The following RYR1 variants were observed in gnomAD, a reference collection of about 807,000 sequenced individuals.
The protein encoded by RYR1 is central core disease of muscle.
RYR1 carries 342 observed loss-of-function variants against 583.5 expected under a neutral mutation model. The ratio of observed to expected loss-of-function variants is 0.59; its 90% confidence interval spans 0.54 to 0.64. RYR1 has a LOEUF of 0.64. Ranked by LOEUF, RYR1 falls within the 30% of genes least tolerant of loss-of-function variation. The pLI is 0.00. For synonymous variants in RYR1, 2,791 were observed against 2,822.5 expected (o/e 0.99, Z 0.35); for missense variants, 6,032 against 6,917.2 (o/e 0.87, Z 4.54).
chr19:38,561,064 G>T lies in RYR1; in HGVS notation c.12283-49G>T. 1.2e-5 allele frequency: 17 copies of T among 1,405,506 alleles called. No homozygotes were observed. Among genetic ancestry groups the T allele is most frequent in the Non-Finnish European group, 1.4e-5 (14 of 1,003,452 alleles). 87.1% of individuals were successfully genotyped at this position (1,405,506 alleles called of 1,614,324 possible). A position where few individuals can be genotyped will look rare whatever the true frequency, so the allele number is the denominator to read the frequency against. ...TTAAAAAAAAAAAAAAAAAGAGAGA[G>T]AATTGAGGCTCTCCAGGTCACCCCA... On this transcript the variant is annotated intron_variant, in intron 89 of 105. Coordinates refer to ENST00000359596, the MANE Select transcript of RYR1 (RefSeq NM_000540.3). This position sits in a 1 kb window ranked among gnomAD's most constrained non-coding sequence, Gnocchi z 4.8.
chr19:38,561,565 C>T lies in RYR1; in HGVS notation c.12624+111C>T. The T allele has an allele frequency of 9.3e-7, 1 of 1,073,884 alleles. No individual in the cohort carries two copies. Among genetic ancestry groups the T allele is most frequent in the Non-Finnish European group, 1.3e-6 (1 of 748,408 alleles). The allele number at this position is 1,073,884 out of a possible 1,614,324, so 66.5% of individuals were successfully genotyped here. ...GGGCTGTGCGTGCCTCGCATATCTG[C>T]CCTGCTCCGGCAAGCCCACGCCCAC... On this transcript the variant is annotated intron_variant, in intron 90 of 105. Transcript: ENST00000359596. This position sits in a 1 kb window ranked among gnomAD's most constrained non-coding sequence, Gnocchi z 4.8.
Position 38,519,223 on chromosome 19 carries a change from A to G in RYR1, c.10028A>G (p.Gln3343Arg). 6.2e-7 allele frequency: 1 copy of G among 1,614,166 alleles called. No homozygotes were observed. Among genetic ancestry groups the G allele is most frequent in the Non-Finnish European group, 8.5e-7 (1 of 1,180,032 alleles). ...SWMKRLAVFA[Q>R]PIVSRARPEL... ...CATCGCACCCCTGCAGTGTTCGCAC[A>G]GCCCATTGTGAGCCGTGCACGGCCG... Residue 3343 changes from glutamine to arginine, a missense_variant, in exon 67 of 106, where the codon CAG (glutamine) becomes CGG (arginine). By Grantham distance (43) the Gln-to-Arg change is conservative. Around this residue, in one of 11 missense-constraint regions of RYR1, gnomAD observed 1,493 missense variants for 1,715.5 expected, o/e 0.87. Transcript: ENST00000359596.
chr19:38,490,426 C>A, intron 36 of RYR1, 150 bp downstream of exon 36: 2 of 908,244 alleles, frequency 2.2e-6, no homozygotes, highest in Non-Finnish European at 3.5e-6. Flanking sequence ...CTGAATCAAC[C>A]TGACCTCTGA....
chr19:38,519,219 G>A lies in RYR1; in HGVS notation c.10024G>A (p.Ala3342Thr), dbSNP rs758521872. Residue 3342 changes from alanine (A) to threonine (T), a missense_variant, in exon 67 of 106, where the codon GCA becomes ACA. By Grantham distance (58) the Ala-to-Thr change is moderately conservative. Around this residue, in one of 11 missense-constraint regions of RYR1, gnomAD observed 1,493 missense variants for 1,715.5 expected, o/e 0.87. Transcript: ENST00000359596. Reference sequence around the variant, plus strand: ...AGCCCATCGCACCCCTGCAGTGTTCGCACAGCCCATTGTGAGCCGTGCACG... The same window carrying A: ...AGCCCATCGCACCCCTGCAGTGTTCACACAGCCCATTGTGAGCCGTGCACG... ...ASWMKRLAVF[A>T]QPIVSRARPE... The A allele has an allele frequency of 6.2e-6, 10 of 1,614,084 alleles. No homozygotes were observed. In the East Asian group the frequency reaches 6.7e-5, roughly 11 times the overall value.
intron 72 of RYR1, 125 bp downstream of exon 72, chr19:38,527,177 C>A: frequency 1.9e-6 from 2 of 1,054,426 alleles, no homozygotes; most frequent in Non-Finnish European, 2.8e-6. Flanking sequence ...GAGTTTGAGA[C>A]CAGCCTGGCC....
chr19:38,574,217 G>C (rs1341614942), intron 96 of RYR1, among the ~76,000 whole-genome samples: 1 of 145,442 alleles, frequency 6.9e-6, no homozygotes, highest in Non-Finnish European at 1.5e-5. Context: ...CCGAGATTGT[G>C]CCTCTGCACT....
chr19:38,586,445 A>G, intron 104 of RYR1, 80 bp from the exon 105 acceptor site: 1 of 1,441,640 alleles, frequency 6.9e-7, no homozygotes, highest in Non-Finnish European at 9.8e-7. Flanking sequence ...ACATAGCAAG[A>G]CTTCCTCTCT....
intron 23 of RYR1, 85 bp from the exon 24 acceptor site, chr19:38,466,006 G>T: frequency 1.5e-6 from 2 of 1,304,302 alleles, no homozygotes; most frequent in Non-Finnish European, 2.2e-6. Flanking sequence ...CTGGGACAAG[G>T]GTCAGCAGTC....
Position 38,565,582 on chromosome 19 carries a change from G to A in RYR1, c.13248G>A (p.Ala4416=). 3 of 1,463,420 alleles carry A rather than the reference G, an allele frequency of 2.0e-6. No homozygotes were observed. The highest frequency in any genetic ancestry group is 1.5e-5 in the African/African-American group (1 of 68,072). 90.7% of individuals were successfully genotyped at this position (1,463,420 alleles called of 1,614,324 possible). A position where few individuals can be genotyped will look rare whatever the true frequency, so the allele number is the denominator to read the frequency against. Residue 4416 remains alanine, a synonymous_variant, in exon 91 of 106, where the codon GCG becomes GCA. Transcript: ENST00000359596. This position sits in a 1 kb window ranked among gnomAD's most constrained non-coding sequence, Gnocchi z 4.7. Reference sequence around the variant, plus strand: ...CCAGCGAGGGCGCTGGAGACGCCGCGGAGGGCGCTGGAGACGAGGAGGAGG... The same window carrying A: ...CCAGCGAGGGCGCTGGAGACGCCGCAGAGGGCGCTGGAGACGAGGAGGAGG... ...EGASEGAGDA[A]EGAGDEEEAV...
chr19:38,581,514 C>CTT lies in RYR1; in HGVS notation c.14646+1010_14646+1011insTT, dbSNP rs1974208222. 3.3e-5 allele frequency among the ~76,000 whole-genome samples: 5 copies of CTT among 151,996 alleles called. No homozygotes were observed. The South Asian group carries it at 8.3e-4, about 25-fold the overall frequency. The stretch of plus-strand genomic sequence containing the variant: ...ACAGGTGTGAGCCGCCGCACCTGGC[C>CTT]ATGTCAGATACTTTGAACAGTGCCA... On this transcript the variant is annotated intron_variant, in intron 101 of 105. Coordinates refer to ENST00000359596, the MANE Select transcript of RYR1 (RefSeq NM_000540.3).
Position 38,494,364 on chromosome 19 carries a change from A to G in RYR1, c.6287A>G (p.Glu2096Gly). ...AEESKPRSLQ[E>G]LVSHMVVRWA... ...GTCTCCTTCCCAGGGTCCCTGCAGG[A>G]GCTGGTGTCCCACATGGTGGTGCGC... Residue 2096 changes from glutamate to glycine, a missense_variant, in exon 39 of 106, where the codon GAG becomes GGG. Physicochemically the swap from Glu to Gly is moderately conservative, Grantham distance 98. Around this residue, in one of 11 missense-constraint regions of RYR1, gnomAD observed 2,627 missense variants for 2,961.3 expected, o/e 0.89. Coordinates refer to ENST00000359596, the MANE Select transcript of RYR1 (RefSeq NM_000540.3). The G allele has an allele frequency of 1.2e-6, 2 of 1,611,452 alleles. No homozygotes were observed. Among genetic ancestry groups the G allele is most frequent in the Non-Finnish European group, 8.5e-7 (1 of 1,179,920 alleles).
chr19:38,519,531 C>T, intron 67 of RYR1, 77 bp downstream of exon 67: 1 of 1,498,114 alleles, frequency 6.7e-7, no homozygotes, highest in Non-Finnish European at 9.1e-7. Flanking sequence ...TCTCCGCCTC[C>T]TGACTGGCTA....
At chr19:38,457,971 GTCTC>G in intron 17 of RYR1, 76 bp from the exon 18 acceptor site, 2 of 1,443,032 alleles carry the variant, frequency 1.4e-6, no homozygotes, top group East Asian at 2.3e-5. Context: ...TTGGATGTCT[GTCTC>G]TCTCTGGCTT....
At position 38,561,832 on chromosome 19, in the gene RYR1, T is replaced by G. The variant is rs1332048442; in HGVS notation, c.12624+378T>G. 1.3e-5 allele frequency among the ~76,000 whole-genome samples: 2 copies of G among 152,090 alleles called. No individual in the cohort carries two copies. The highest frequency in any genetic ancestry group is 1.3e-4 in the Admixed American group (2 of 15,256). On this transcript the variant is annotated intron_variant, in intron 90 of 105. Transcript: ENST00000359596. The surrounding 1 kb of genome is among the most constrained non-coding windows in gnomAD (Gnocchi z 4.8). ...ACACTCTCACCTCCTCGAACCTGCA[T>G]GGCGACACACCCCTTGCTCACCTTC...
At chr19:38,434,212 G>C (rs1972324267) in intron 1 of RYR1, among the ~76,000 whole-genome samples, 1 of 151,954 alleles carries the variant, frequency 6.6e-6, no homozygotes. Flanking sequence ...TCTAATTCCT[G>C]GGCTTGATTT....
intron 42 of RYR1, 138 bp downstream of exon 42, chr19:38,497,092 A>C: frequency 1.4e-6 from 1 of 723,938 alleles, no homozygotes; most frequent in Non-Finnish European, 2.5e-6. Context: ...AAGGAGACTA[A>C]TTTGCAGGGA....
Position 38,496,493 on chromosome 19 carries a change from A to G in RYR1, c.6748A>G (p.Met2250Val), listed in dbSNP as rs1481773106. The change falls in exon 41 of 106, where the codon ATG becomes GTG. Residue 2250 changes from methionine to valine, a missense_variant. Around this residue, in one of 11 missense-constraint regions of RYR1, gnomAD observed 2,627 missense variants for 2,961.3 expected, o/e 0.89. Transcript: ENST00000359596. The surrounding 1 kb of genome is among the most constrained non-coding windows in gnomAD (Gnocchi z 4.8). ...CRISRQNQRS[M>V]FDHLSYLLEN... ...AATCAGCCGGCAGAACCAGCGCTCC[A>G]TGTTTGACCACCTGAGCTACCTGCT... 4 of 1,613,480 alleles carry G rather than the reference A, an allele frequency of 2.5e-6. No individual in the cohort carries two copies. Among genetic ancestry groups the G allele is most frequent in the Non-Finnish European group, 3.4e-6 (4 of 1,180,018 alleles).
intron 92 of RYR1, 123 bp downstream of exon 92, chr19:38,567,110 C>T: frequency 2.0e-6 from 3 of 1,478,116 alleles, no homozygotes; most frequent in South Asian, 1.2e-5. Context: ...TCACCCAGCC[C>T]AGACTCAGGC....
intron 53 of RYR1, 99 bp downstream of exon 53, chr19:38,505,497 G>A (rs1970403729): frequency 1.1e-6 from 1 of 901,646 alleles, no homozygotes; most frequent in Non-Finnish European, 1.8e-6. Context: ...TTGCATCTAG[G>A]TGGATCTGTG....
Sources: gnomAD v4.1 joint callset for allele counts (sites outside exome capture counted in the v4.1 genomes callset) on GRCh38, gnomAD v4.1.1 for gene constraint, gnomAD v4.1.1 regional missense constraint, Gnocchi (gnomAD v3.1) non-coding constraint, MANE v1.5 for transcripts, NCBI Gene and HGNC (gene_info 2026-07-23, HGNC 2026-07-21) for gene names.